CFAP100: variants seen among roughly 807,000 people sequenced by gnomAD.
The protein encoded by CFAP100 is cilia- and flagella-associated protein 100.
In CFAP100, 70 loss-of-function variants were observed where a neutral mutation model predicts 81.5. That is an observed-to-expected ratio of 0.86 (90% CI 0.71 to 1.05). The LOEUF (loss-of-function observed/expected upper bound fraction) is 1.05, where lower values mean the gene tolerates loss of function less well. Ranked by LOEUF, CFAP100 falls within the 50% of genes least tolerant of loss-of-function variation. CFAP100 has a pLI of 0.00. For synonymous variants in CFAP100, 341 were observed against 314.8 expected, an observed-to-expected ratio of 1.08 and a Z score of -0.88; for missense variants, 811 against 776.5, an observed-to-expected ratio of 1.04 and a Z score of -0.53.
At chr3:126,408,183 C>T (rs918256234) in intron 3 of CFAP100, among the ~76,000 whole-genome samples, 1 of 152,208 alleles carries the variant, frequency 6.6e-6, no homozygotes, top group African/African-American at 2.4e-5. Context: ...CTTCCTCTGT[C>T]CTTTCTCTCT....
chr3:126,414,221 C>CTGAAG, intron 4 of CFAP100, 42 bp downstream of exon 4: 1 of 1,358,878 alleles, frequency 7.4e-7, no homozygotes, highest in Non-Finnish European at 1.1e-6. Flanking sequence ...GGGAGCTTCC[C>CTGAAG]TGCTCCCACT....
intron 11 of CFAP100, 45 bp downstream of exon 11, chr3:126,420,274 A>T: frequency 6.2e-7 from 1 of 1,605,884 alleles, no homozygotes; most frequent in Non-Finnish European, 8.5e-7. Context: ...CCTAGCGGCG[A>T]GCCCTCCCTT....
At position 126,406,817 on chromosome 3, in the gene CFAP100, C is replaced by A. The variant is rs570630349; in HGVS notation, c.50-355C>A. 5.3e-5 allele frequency among the ~76,000 whole-genome samples: 8 copies of A among 152,268 alleles called. No individual in the cohort carries two copies. The South Asian group carries it at 1.5e-3, about 28-fold the overall frequency. Reference sequence around the variant, plus strand: ...CTGGGAGGCAAGGCACTGGCCACGCCGGGGTCAGAGGCTTGGGGTCCTTGT... The same window carrying A: ...CTGGGAGGCAAGGCACTGGCCACGCAGGGGTCAGAGGCTTGGGGTCCTTGT... On this transcript the variant is annotated intron_variant, in intron 2 of 16. Transcript: ENST00000352312.
At position 126,419,070 on chromosome 3, in the gene CFAP100, C is replaced by A; in HGVS notation, c.651-6C>A. On this transcript the variant is annotated splice_polypyrimidine_tract_variant and splice_region_variant and intron_variant, in intron 7 of 16. Coordinates refer to ENST00000352312, the MANE Select transcript of CFAP100 (RefSeq NM_182628.3). The stretch of plus-strand genomic sequence containing the variant: ...CATCCCTCCTCCCCCGCCGCCCAAC[C>A]CCTAGGGCTGAGAAGGAGACCAAAG... 6.5e-7 allele frequency: 1 copy of A among 1,546,574 alleles called. No individual in the cohort carries two copies. Among genetic ancestry groups the A allele is most frequent in the Middle Eastern group, 2.1e-4 (1 of 4,724 alleles).
Position 126,395,942 on chromosome 3 carries a change from G to C in CFAP100, c.-59G>C. The C allele has an allele frequency of 6.9e-7, 1 of 1,439,274 alleles. No individual in the cohort carries two copies. The highest frequency in any genetic ancestry group is 9.8e-7 in the Non-Finnish European group (1 of 1,021,732). The allele number at this position is 1,439,274 out of a possible 1,614,324, so 89.2% of individuals were successfully genotyped here. On this transcript the variant is annotated splice_region_variant and 5_prime_UTR_variant, in exon 2 of 17. Coordinates refer to ENST00000352312, the MANE Select transcript of CFAP100 (RefSeq NM_182628.3). ...GCTCAAGCACTGTGTCACTCCTCAG[G>C]TGAGGATCTCCTTTAGAAGAGGAGA...
chr3:126,432,944 C>T (rs1933288862), intron 13 of CFAP100, 125 bp from the exon 14 acceptor site: 2 of 1,042,880 alleles, frequency 1.9e-6, no homozygotes, highest in Non-Finnish European at 2.7e-6. Context: ...AGACTTGGCA[C>T]CCATGATCCT....
intron 13 of CFAP100, among the ~76,000 whole-genome samples, chr3:126,428,444 C>A (rs1316527462): frequency 6.6e-6 from 1 of 152,136 alleles, no homozygotes; most frequent in East Asian, 1.9e-4. Flanking sequence ...GGATACATAT[C>A]ATTATATAAT....
chr3:126,404,961 G>A (rs941202636), intron 2 of CFAP100, among the ~76,000 whole-genome samples: 3 of 152,178 alleles, frequency 2.0e-5, no homozygotes, highest in Admixed American at 6.5e-5. Flanking sequence ...GAGCCACCAC[G>A]CCCGGTCACA....
intron 3 of CFAP100, 60 bp downstream of exon 3, chr3:126,407,312 G>A: frequency 3.6e-6 from 4 of 1,112,944 alleles, no homozygotes; most frequent in Non-Finnish European, 5.4e-6. Context: ...CTCTCCCTCT[G>A]CCCCCAGATC....
chr3:126,423,165 G>T (rs1470740468), intron 11 of CFAP100, among the ~76,000 whole-genome samples, 160 bp from the exon 12 acceptor site: 1 of 152,176 alleles, frequency 6.6e-6, no homozygotes, highest in Non-Finnish European at 1.5e-5. Flanking sequence ...GGCAGCTGGG[G>T]ACTGTGAGGA....
At chr3:126,432,338 C>T (rs184892493) in intron 13 of CFAP100, among the ~76,000 whole-genome samples, 1 of 150,388 alleles carries the variant, frequency 6.6e-6, no homozygotes, top group African/African-American at 2.4e-5. Context: ...AAATTCTGCT[C>T]CTAGATATAT....
chr3:126,427,326 T>C (rs76799318), intron 13 of CFAP100, among the ~76,000 whole-genome samples: 7,815 of 152,226 alleles, frequency 0.051, 246 homozygotes, highest in Non-Finnish European at 0.06. Flanking sequence ...TGGAATAGAA[T>C]AGAGAGCCTA....
chr3:126,419,895 T>C (rs745775646), intron 9 of CFAP100, 77 bp downstream of exon 9: 26 of 1,610,836 alleles, frequency 1.6e-5, no homozygotes, highest in Non-Finnish European at 2.1e-5. Flanking sequence ...AGCTGGCAGG[T>C]TACCTGCAGG....
chr3:126,435,747 T>C, intron 16 of CFAP100, 95 bp downstream of exon 16: 1 of 946,440 alleles, frequency 1.1e-6, no homozygotes, highest in Non-Finnish European at 1.6e-6. Context: ...ATGCTACCAC[T>C]CTGAAGGCAT....
chr3:126,431,637 A>G (rs2107618353), intron 13 of CFAP100, among the ~76,000 whole-genome samples: 1 of 151,982 alleles, frequency 6.6e-6, no homozygotes, highest in African/African-American at 2.4e-5. Context: ...AGAGCTGAGG[A>G]CCCCCTATTC....
chr3:126,406,511 G>A (rs992214640), intron 2 of CFAP100, among the ~76,000 whole-genome samples: 12 of 152,178 alleles, frequency 7.9e-5, no homozygotes, highest in East Asian at 3.9e-4. Flanking sequence ...GGAAGTGTCC[G>A]GCCACATGTC....
At chr3:126,420,298 G>A in intron 11 of CFAP100, 69 bp downstream of exon 11, 4 of 1,589,814 alleles carry the variant, frequency 2.5e-6, no homozygotes, top group Non-Finnish European at 3.4e-6. Flanking sequence ...GCACCCATGT[G>A]TAGTCAGGTC....
At chr3:126,415,348 C>A (rs1397947214) in intron 4 of CFAP100, among the ~76,000 whole-genome samples, 1 of 151,064 alleles carries the variant, frequency 6.6e-6, no homozygotes, top group Non-Finnish European at 1.5e-5. Context: ...CAGGGTCTCC[C>A]ACTCACAACC....
chr3:126,418,234 C>A, intron 5 of CFAP100: 1 of 564,130 alleles, frequency 1.8e-6, no homozygotes, highest in South Asian at 2.0e-5. Flanking sequence ...GGACTTCCCA[C>A]GCGGCCGGAC....
Sources: allele counts gnomAD v4.1 joint callset (sites outside exome capture counted in the v4.1 genomes callset), GRCh38; gene constraint gnomAD v4.1.1; transcripts MANE v1.5; gene names NCBI Gene and HGNC (gene_info 2026-07-23, HGNC 2026-07-21).